Variants in GRID2 observed in about 807,000 individuals in gnomAD.
The protein encoded by GRID2 is glutamate ionotropic receptor delta type subunit 2.
Under a neutral mutation model 114.8 loss-of-function variants are expected in GRID2, and 33 were observed. The ratio of observed to expected loss-of-function variants is 0.29; its 90% CI spans 0.22 to 0.38. The LOEUF (loss-of-function observed/expected upper bound fraction) is 0.38. Among genes scored for constraint, GRID2 ranks in the 10% least tolerant of loss-of-function variants. The pLI is 1.00. For missense variants in GRID2, 1,184 were observed against 1,257.7 expected (o/e 0.94, Z 0.89); for synonymous variants, 505 against 449.9 (o/e 1.12, Z -1.55).
At chr4:92,535,464 T>C (rs933501919) in intron 1 of GRID2, among the ~76,000 whole-genome samples, 21 of 152,288 alleles carry the variant, frequency 1.4e-4, no homozygotes, top group African/African-American at 5.1e-4. Context: ...GATTCCCTAC[T>C]GTTAAATTTG....
intron 2 of GRID2, among the ~76,000 whole-genome samples, chr4:92,733,422 A>G (rs902604474): frequency 5.7e-4 from 87 of 152,160 alleles, no homozygotes; most frequent in African/African-American, 2.0e-3. Context: ...TATTCTATTC[A>G]GTGACCTCTC....
chr4:92,625,599 T>C (rs1015291060), intron 2 of GRID2, among the ~76,000 whole-genome samples: 4 of 151,880 alleles, frequency 2.6e-5, no homozygotes, highest in Non-Finnish European at 4.4e-5. Context: ...AATCACTTAT[T>C]AACTTTATGA....
intron 1 of GRID2, among the ~76,000 whole-genome samples, chr4:92,345,008 C>G (rs1579212599): frequency 6.6e-6 from 1 of 152,156 alleles, no homozygotes; most frequent in East Asian, 1.9e-4. Flanking sequence ...ACACTGTACC[C>G]AATATGTAGT....
At position 93,335,694 on chromosome 4, in the gene GRID2, C is replaced by CTTTTTT. The variant is rs55823712; in HGVS notation, c.1246-59906_1246-59901dup. On this transcript the variant is annotated intron_variant, in intron 8 of 15. Transcript: ENST00000282020. ...TTCTCTCTCTCTTTCTTTCTTCTTT[C>CTTTTTT]TTTTTTTTTTTTGAGACAGGGTCTC... is the stretch of plus-strand genomic sequence containing the variant. Among the ~76,000 whole-genome samples, 356 of 141,720 alleles carry CTTTTTT rather than the reference C, an allele frequency of 2.5e-3. 10 individuals are homozygous for CTTTTTT. The highest frequency in any genetic ancestry group is 0.014 in the Middle Eastern group (4 of 284). 93.0% of individuals were successfully genotyped at this position (141,720 alleles called of 152,430 possible).
chr4:93,767,078 G>A (rs1733734036), intron 14 of GRID2, among the ~76,000 whole-genome samples: 1 of 152,164 alleles, frequency 6.6e-6, no homozygotes, highest in African/African-American at 2.4e-5. Flanking sequence ...TTTGGATCAA[G>A]AGATTATTTC....
At chr4:93,635,173 T>TTA (rs1316519575) in intron 14 of GRID2, among the ~76,000 whole-genome samples, 1 of 151,690 alleles carries the variant, frequency 6.6e-6, no homozygotes, top group African/African-American at 2.4e-5. Flanking sequence ...TTTTTTTAAT[T>TTA]TATATATATG....
intron 8 of GRID2, among the ~76,000 whole-genome samples, chr4:93,249,597 G>T (rs1055187871): frequency 2.0e-5 from 3 of 151,916 alleles, no homozygotes; most frequent in Non-Finnish European, 2.9e-5. Context: ...CACATCCCTT[G>T]TAAGTTGTAT....
At chr4:92,829,700 A>C (rs764225069) in intron 2 of GRID2, among the ~76,000 whole-genome samples, 2 of 152,180 alleles carry the variant, frequency 1.3e-5, no homozygotes, top group Non-Finnish European at 2.9e-5. Context: ...CATCAATGAT[A>C]GACTGGACAA....
intron 2 of GRID2, among the ~76,000 whole-genome samples, chr4:92,759,898 C>G (rs1737908351): frequency 6.6e-6 from 1 of 151,476 alleles, no homozygotes; most frequent in East Asian, 2.0e-4. Flanking sequence ...AGTGCTGGGA[C>G]TGCAGGTGTG....
chr4:93,304,094 T>C (rs1385100127), intron 8 of GRID2, among the ~76,000 whole-genome samples: 1 of 151,446 alleles, frequency 6.6e-6, no homozygotes, highest in African/African-American at 2.4e-5. Context: ...AAATATATAT[T>C]AATACTTACA....
intron 12 of GRID2, among the ~76,000 whole-genome samples, chr4:93,514,959 G>A (rs909740950): frequency 1.3e-5 from 2 of 152,078 alleles, no homozygotes; most frequent in African/African-American, 2.4e-5. Flanking sequence ...CACAAAGAAA[G>A]CATTGCATTA....
intron 2 of GRID2, among the ~76,000 whole-genome samples, chr4:92,994,575 C>T (rs573913375): frequency 6.6e-6 from 1 of 152,040 alleles, no homozygotes; most frequent in Non-Finnish European, 1.5e-5. Flanking sequence ...CTGCCTGCCT[C>T]GGCCTCCCAA....
chr4:92,485,347 TA>T (rs1560663082), intron 1 of GRID2, among the ~76,000 whole-genome samples: 20 of 48,690 alleles, frequency 4.1e-4, no homozygotes, highest in African/African-American at 1.1e-3. Flanking sequence ...TATATATATA[TA>T]GTGTGTGTGT....
intron 2 of GRID2, among the ~76,000 whole-genome samples, chr4:92,859,522 C>G (rs1196020272): frequency 6.6e-6 from 1 of 151,950 alleles, no homozygotes; most frequent in African/African-American, 2.4e-5. Context: ...ATGAATTTCC[C>G]CTTCTTCCTT....
chr4:92,489,510 T>C (rs746430718), intron 1 of GRID2, among the ~76,000 whole-genome samples: 7 of 146,226 alleles, frequency 4.8e-5, no homozygotes, highest in Non-Finnish European at 8.8e-5. Flanking sequence ...TTGTCTTTGA[T>C]TGAACAATGA....
At chr4:93,088,552 A>C (rs1035273427) in intron 3 of GRID2, among the ~76,000 whole-genome samples, 1 of 152,156 alleles carries the variant, frequency 6.6e-6, no homozygotes, top group South Asian at 2.1e-4. Flanking sequence ...TGATTGAAGA[A>C]GGCTTTATGG....
chr4:93,224,988 T>TA lies in GRID2; in HGVS notation c.1125+221dup, dbSNP rs370239617. Among the ~76,000 whole-genome samples the TA allele has an allele frequency of 4.9e-3, 751 of 151,914 alleles. 7 individuals are homozygous for TA. Among genetic ancestry groups the TA allele is most frequent in the African/African-American group, 0.017 (724 of 41,426 alleles). On this transcript the variant is annotated intron_variant, in intron 7 of 15. Coordinates refer to ENST00000282020, the MANE Select transcript of GRID2 (RefSeq NM_001510.4). Reference sequence around the variant, plus strand: ...TATTTATAAGGGAGTTTTAAGCAAGTAAAAAAAATTGTGGTTGAGATATAC... The same window carrying TA: ...TATTTATAAGGGAGTTTTAAGCAAGTAAAAAAAAATTGTGGTTGAGATATAC...
In GRID2 at chr4:93,014,461, C is replaced by G. The variant is rs533840312; in HGVS notation, c.245-70534C>G. On this transcript the variant is annotated intron_variant, in intron 2 of 15. Coordinates refer to ENST00000282020, the MANE Select transcript of GRID2 (RefSeq NM_001510.4). ...GGGGCTGGAACTACAGCATAAAGAA[C>G]CAGGGTGGTAAATTGAGGCTGGTAT... 3.0e-3 allele frequency among the ~76,000 whole-genome samples: 458 copies of G among 151,970 alleles called. 1 individual carries two copies. Among genetic ancestry groups the G allele is most frequent in the African/African-American group, 0.011 (447 of 41,468 alleles).
chr4:93,647,483 A>G lies in GRID2; in HGVS notation c.2360+21048A>G, dbSNP rs1447380565. Among the ~76,000 whole-genome samples the G allele has an allele frequency of 1.5e-4, 23 of 152,166 alleles. 1 individual carries two copies. Among genetic ancestry groups the G allele is most frequent in the Admixed American group, 1.5e-3 (23 of 15,272 alleles). On this transcript the variant is annotated intron_variant, in intron 14 of 15. Transcript: ENST00000282020. The stretch of plus-strand genomic sequence containing the variant: ...TGTCCTCAGGCAGACCTGCCTTGTG[A>G]CAGAAGTGTCCTGTCCACAGGGACA...
Sources: gnomAD v4.1 joint callset for allele counts (sites outside exome capture counted in the v4.1 genomes callset) on GRCh38, gnomAD v4.1.1 for gene constraint, MANE v1.5 for transcripts, NCBI Gene and HGNC (gene_info 2026-07-23, HGNC 2026-07-21) for gene names.